KCNK10: variants seen among roughly 807,000 people sequenced by gnomAD.
The protein encoded by KCNK10 is potassium channel subfamily K member 10.
Under a neutral mutation model 47.7 loss-of-function variants are expected in KCNK10, and 25 were observed. The observed-to-expected ratio is 0.52, with a 90% confidence interval of 0.38 to 0.73. KCNK10 has a LOEUF of 0.73. Among genes scored for constraint, KCNK10 ranks in the 30% least tolerant of loss-of-function variants. KCNK10 has a pLI of 0.00. For synonymous variants in KCNK10, 303 were observed against 285.6 expected (o/e 1.06, Z -0.61); for missense variants, 563 against 714.5 (o/e 0.79, Z 2.42).
intron 4 of KCNK10, among the ~76,000 whole-genome samples, chr14:88,209,425 C>T (rs768687592): frequency 2.0e-5 from 3 of 152,238 alleles, no homozygotes; most frequent in East Asian, 1.9e-4. Flanking sequence ...TGGCCGACGA[C>T]GAAGAAGACA....
chr14:88,241,859 C>T (rs574578599), intron 2 of KCNK10, among the ~76,000 whole-genome samples: 6 of 152,314 alleles, frequency 3.9e-5, no homozygotes, highest in South Asian at 4.1e-4. Flanking sequence ...AGCCTCATCA[C>T]GAGCAGGAGA....
At chr14:88,255,982 A>G (rs1851809964) in intron 2 of KCNK10, among the ~76,000 whole-genome samples, 2 of 152,234 alleles carry the variant, frequency 1.3e-5, no homozygotes, top group African/African-American at 4.8e-5. Context: ...AGTGGTAGCT[A>G]TATTTTATTA....
chr14:88,195,813 C>T (rs1884894184), intron 4 of KCNK10, among the ~76,000 whole-genome samples: 2 of 152,310 alleles, frequency 1.3e-5, no homozygotes, highest in South Asian at 4.2e-4. Context: ...CAGAGGGATT[C>T]TGAGAGGCAC....
intron 1 of KCNK10, among the ~76,000 whole-genome samples, chr14:88,316,449 G>C (rs941663868): frequency 6.6e-6 from 1 of 152,140 alleles, no homozygotes; most frequent in Non-Finnish European, 1.5e-5. Context: ...TAAAGTCTCC[G>C]CTGAGAGTAC....
chr14:88,188,216 C>A (rs1299318956), intron 5 of KCNK10, 107 bp from the exon 6 acceptor site: 2 of 1,342,704 alleles, frequency 1.5e-6, no homozygotes, highest in Non-Finnish European at 2.1e-6. Flanking sequence ...TTGTTTAACA[C>A]TCAGCTGTTA....
chr14:88,293,919 T>A (rs925451571), intron 1 of KCNK10, among the ~76,000 whole-genome samples: 1 of 152,144 alleles, frequency 6.6e-6, no homozygotes, highest in Non-Finnish European at 1.5e-5. Flanking sequence ...CCACAAGCGA[T>A]CCTCCTGCCT....
chr14:88,230,329 A>G (rs1008682396), intron 3 of KCNK10, among the ~76,000 whole-genome samples: 8 of 152,176 alleles, frequency 5.3e-5, no homozygotes, highest in African/African-American at 1.9e-4. Context: ...CTTTCAGCAG[A>G]AGACAACCAA....
At chr14:88,218,571 GA>G (rs57820741) in intron 4 of KCNK10, among the ~76,000 whole-genome samples, 1,819 of 119,734 alleles carry the variant, frequency 0.015, 35 homozygotes, top group African/African-American at 0.053. Flanking sequence ...AAAAGAAAAA[GA>G]AAAAAAAAAA....
At chr14:88,266,320 C>A (rs550277954) in intron 1 of KCNK10, among the ~76,000 whole-genome samples, 22 of 152,322 alleles carry the variant, frequency 1.4e-4, no homozygotes, top group Middle Eastern at 6.8e-3. Flanking sequence ...CTGTTCACAC[C>A]TTCACACCTT....
At chr14:88,265,602 G>T (rs140445229) in intron 1 of KCNK10, among the ~76,000 whole-genome samples, 5 of 152,342 alleles carry the variant, frequency 3.3e-5, no homozygotes, top group African/African-American at 4.8e-5. Flanking sequence ...GAAGCCCCAG[G>T]AAATGAATCT....
intron 1 of KCNK10, among the ~76,000 whole-genome samples, chr14:88,294,082 A>T (rs1480007836): frequency 6.6e-6 from 1 of 152,182 alleles, no homozygotes; most frequent in Non-Finnish European, 1.5e-5. Context: ...AAACCACTAC[A>T]GCCCACTCTC....
intron 3 of KCNK10, among the ~76,000 whole-genome samples, chr14:88,239,975 T>C (rs1389293828): frequency 6.6e-6 from 1 of 150,466 alleles, no homozygotes; most frequent in Non-Finnish European, 1.5e-5. Flanking sequence ...AAGACACACA[T>C]ACAAAAAATA....
intron 4 of KCNK10, among the ~76,000 whole-genome samples, chr14:88,225,814 CAA>C (rs754512056): frequency 2.0e-5 from 3 of 152,164 alleles, no homozygotes; most frequent in Non-Finnish European, 4.4e-5. Flanking sequence ...CCAAGAAGTT[CAA>C]AAGAGTTCTT....
chr14:88,270,711 T>G (rs1302421543), intron 1 of KCNK10: 1 of 780,990 alleles, frequency 1.3e-6, no homozygotes, highest in South Asian at 1.3e-5. Context: ...TCCTGTCCCC[T>G]TAGTCCAGAA....
intron 4 of KCNK10, among the ~76,000 whole-genome samples, chr14:88,205,522 T>A (rs1885240059): frequency 6.6e-6 from 1 of 150,892 alleles, no homozygotes; most frequent in Non-Finnish European, 1.5e-5. Flanking sequence ...GCACAGTGCA[T>A]TTTTCTTTTC....
intron 1 of KCNK10, among the ~76,000 whole-genome samples, chr14:88,306,593 A>G (rs996624007): frequency 2.0e-5 from 3 of 151,094 alleles, no homozygotes; most frequent in Non-Finnish European, 4.4e-5. Flanking sequence ...TTTTCCTTCC[A>G]TGAATACCTG....
At chr14:88,255,538 A>G (rs540288677) in intron 2 of KCNK10, among the ~76,000 whole-genome samples, 1 of 151,668 alleles carries the variant, frequency 6.6e-6, no homozygotes, top group East Asian at 1.9e-4. Flanking sequence ...TACCAAAAAA[A>G]AAAAAAAATT....
chr14:88,314,322 C>A (rs12589089), intron 1 of KCNK10, among the ~76,000 whole-genome samples: 29,814 of 152,082 alleles, frequency 0.2, 3,120 homozygotes, highest in East Asian at 0.28. Context: ...AGCAAGAAGG[C>A]ACCATCTATG....
At chr14:88,257,714 C>A (rs184386565) in intron 2 of KCNK10, among the ~76,000 whole-genome samples, 2 of 152,332 alleles carry the variant, frequency 1.3e-5, no homozygotes, top group African/African-American at 4.8e-5. Flanking sequence ...CCTCACAGAA[C>A]AGCTGTGGGG....
Sources: gnomAD v4.1 joint callset for allele counts (sites outside exome capture counted in the v4.1 genomes callset) on GRCh38, gnomAD v4.1.1 for gene constraint, MANE v1.5 for transcripts, NCBI Gene and HGNC (gene_info 2026-07-23, HGNC 2026-07-21) for gene names.